CHID1: variants seen among roughly 807,000 people sequenced by gnomAD.
The protein encoded by CHID1 is chitinase domain containing 1, also known as chitinase domain-containing protein 1.
In CHID1, 44 loss-of-function variants were observed where a neutral mutation model predicts 55.4. The ratio of observed to expected loss-of-function variants is 0.79; its 90% CI spans 0.62 to 1.02. The LOEUF is 1.02. CHID1 is among the 50% of genes least tolerant of loss of function. CHID1 has a pLI of 0.00. For synonymous variants in CHID1, 216 were observed against 212.9 expected (o/e 1.01, Z -0.13); for missense variants, 491 against 515.3 (o/e 0.95, Z 0.46).
chr11:873,728 C>T (rs1849323149), intron 10 of CHID1, among the ~76,000 whole-genome samples: 1 of 152,202 alleles, frequency 6.6e-6, no homozygotes, highest in African/African-American at 2.4e-5. Context: ...GAGGGCACAG[C>T]TGCTAAAAGG....
chr11:909,944 C>T (rs1355688449), intron 1 of CHID1, among the ~76,000 whole-genome samples: 1 of 152,034 alleles, frequency 6.6e-6, no homozygotes, highest in African/African-American at 2.4e-5. Flanking sequence ...CCTGTACTCC[C>T]AGCAACTCGG....
chr11:910,609 GC>G (rs1852597317), intron 1 of CHID1, 165 bp downstream of exon 1: 3 of 1,241,016 alleles, frequency 2.4e-6, no homozygotes, highest in African/African-American at 1.6e-5. Context: ...CCTCTCACAC[GC>G]CCCCTCACAC....
At position 870,422 on chromosome 11, in the gene CHID1, T is replaced by C; in HGVS notation, c.1037A>G (p.Lys346Arg). The change falls in exon 11 of 13, where the codon AAG (lysine) becomes AGG (arginine). Residue 346 changes from lysine (K) to arginine (R), a missense_variant. Physicochemically the swap from Lys to Arg is conservative, Grantham distance 26 (BLOSUM62 2). Coordinates refer to ENST00000323578, the MANE Select transcript of CHID1 (RefSeq NM_023947.4). ...SQASEHFFEY[K>R]KSRSGRHVVF... is the part of the protein sequence containing the mutation. ...CCACGCACTTCAAAACACTCACTTC[T>C]TGTACTCGAAGAAGTGCTCTGAGGC... is the stretch of plus-strand genomic sequence containing the variant. The C allele has an allele frequency of 1.2e-6, 2 of 1,609,992 alleles. No individual in the cohort carries two copies. The highest frequency in any genetic ancestry group is 1.7e-6 in the Non-Finnish European group (2 of 1,177,782).
intron 10 of CHID1, among the ~76,000 whole-genome samples, chr11:874,132 C>T (rs1849345058): frequency 6.6e-6 from 1 of 152,174 alleles, no homozygotes; most frequent in Non-Finnish European, 1.5e-5. Flanking sequence ...TGCTCCAAAG[C>T]CTGGGGACTT....
intron 10 of CHID1, among the ~76,000 whole-genome samples, chr11:879,504 G>T (rs1849744885): frequency 6.6e-6 from 1 of 152,292 alleles, no homozygotes; most frequent in Non-Finnish European, 1.5e-5. Context: ...ACAGGGAGAA[G>T]GCAGTTATCT....
Position 893,482 on chromosome 11 carries a change from G to C in CHID1, c.646C>G (p.Leu216Val), listed in dbSNP as rs1198146591. The C allele has an allele frequency of 1.9e-6, 3 of 1,551,730 alleles. No homozygotes were observed. The highest frequency in any genetic ancestry group is 2.4e-5 in the East Asian group (1 of 41,368). The change falls in exon 8 of 13, where the codon CTG (leucine) becomes GTG (valine). Residue 216 changes from leucine (L) to valine (V), a missense_variant. Leu to Val is a conservative substitution (Grantham distance 32). Transcript: ENST00000323578. ...AGGGCCAGCAGCCGGGCCTGGTGCA[G>C]AGCCTCGGCCAAGTGGGTGAGCATG... is the stretch of plus-strand genomic sequence containing the variant. ...IHMLTHLAEA[L>V]HQARLLALLV...
chr11:884,093 T>A lies in CHID1; in HGVS notation c.778A>T (p.Thr260Ser). Residue 260 changes from threonine (T) to serine (S), a missense_variant, in exon 9 of 13, where the codon ACC becomes TCC. Physicochemically the swap from Thr to Ser is moderately conservative, Grantham distance 58. Coordinates refer to ENST00000323578, the MANE Select transcript of CHID1 (RefSeq NM_023947.4). Reference protein sequence around the residue: ...APVLDGFSLMTYDYSTAHQPG... With the variant: ...APVLDGFSLMSYDYSTAHQPG... ...TGATGCGCTGTAGAGTAGTCGTAGGTCATGAGGCTGAAACCATCCAGCACG... is the reference window on the plus strand; with the variant it reads ...TGATGCGCTGTAGAGTAGTCGTAGGACATGAGGCTGAAACCATCCAGCACG... The A allele has an allele frequency of 6.2e-7, 1 of 1,613,992 alleles. No homozygotes were observed. The highest frequency in any genetic ancestry group is 8.5e-7 in the Non-Finnish European group (1 of 1,179,920).
chr11:888,150 T>C (rs12577694), intron 8 of CHID1, among the ~76,000 whole-genome samples: 68,066 of 152,130 alleles, frequency 0.45, 15,903 homozygotes, highest in Admixed American at 0.52. Context: ...CCCAACAACT[T>C]TGCTACAGCT....
chr11:896,181 A>T (rs1308667566), intron 7 of CHID1, among the ~76,000 whole-genome samples: 1 of 116,432 alleles, frequency 8.6e-6, no homozygotes, highest in Non-Finnish European at 1.8e-5. Flanking sequence ...CCCCAGACAC[A>T]ACGAGGCTGT....
chr11:873,491 G>GCCTGGGAGGAAGGAAGGGCCACA (rs1849305547), intron 10 of CHID1, among the ~76,000 whole-genome samples: 1 of 152,142 alleles, frequency 6.6e-6, no homozygotes, highest in African/African-American at 2.4e-5. Context: ...CGAGGGGCCT[G>GCCTGGGAGGAAGGAAGGGCCACA]CCTGGGAGGA....
rs577001803 is a variant in CHID1, at chr11:907,534, C to T, written c.-43-2675G>A. 1.6e-3 allele frequency among the ~76,000 whole-genome samples: 238 copies of T among 152,138 alleles called. 1 individual carries two copies. The highest frequency in any genetic ancestry group is 5.4e-3 in the African/African-American group (224 of 41,520). Reference sequence around the variant, plus strand: ...TATCTTTCACTGGGGTTGGGGGCAGCGGCGGTGGGAGCTGAACCACCACCA... The same window carrying T: ...TATCTTTCACTGGGGTTGGGGGCAGTGGCGGTGGGAGCTGAACCACCACCA... On this transcript the variant is annotated intron_variant, in intron 1 of 12. Transcript: ENST00000323578.
At chr11:888,287 AAGAGGGGAGGGCACC>A (rs959908071) in intron 8 of CHID1, among the ~76,000 whole-genome samples, 22 of 152,310 alleles carry the variant, frequency 1.4e-4, no homozygotes, top group African/African-American at 5.3e-4. Context: ...CAGTGGGAGA[AAGAGGGGAGGGCACC>A]AGTCCTGTGC....
rs537801413 is a variant in CHID1, at chr11:895,070, C to T, written c.609-1551G>A. On this transcript the variant is annotated intron_variant, in intron 7 of 12. Coordinates refer to ENST00000323578, the MANE Select transcript of CHID1 (RefSeq NM_023947.4). ...GTACCAGAGGCTGTCACACACTGTGCGCCACTTAGAGGTGGTGGTCAAGGA... is the reference window on the plus strand; with the variant it reads ...GTACCAGAGGCTGTCACACACTGTGTGCCACTTAGAGGTGGTGGTCAAGGA... 7.2e-5 allele frequency among the ~76,000 whole-genome samples: 11 copies of T among 152,270 alleles called. No individual in the cohort carries two copies. The East Asian group carries it at 1.9e-3, about 27-fold the overall frequency.
chr11:869,910 A>C lies in CHID1; in HGVS notation c.1130T>G (p.Val377Gly). ...LELARELGVGVSIWELGQGLD... is the reference protein window; with the variant it reads ...LELARELGVGGSIWELGQGLD... Reference sequence around the variant, plus strand: ...GCCCTGGCCCAGCTCCCAGATAGAGACCCCAACGCCCAGCTCCCGGGCCAG... The same window carrying C: ...GCCCTGGCCCAGCTCCCAGATAGAGCCCCCAACGCCCAGCTCCCGGGCCAG... Residue 377 changes from valine to glycine, a missense_variant, in exon 13 of 13, where the codon GTC (valine) becomes GGC (glycine). By Grantham distance (109) the Val-to-Gly change is moderately radical. Transcript: ENST00000323578. 1 of 1,612,546 alleles carries C rather than the reference A, an allele frequency of 6.2e-7. No homozygotes were observed. The highest frequency in any genetic ancestry group is 8.5e-7 in the Non-Finnish European group (1 of 1,179,806).
rs371225563 is a variant in CHID1 at position 900,915 on chromosome 11, C to T, written c.439+21G>A. On this transcript the variant is annotated intron_variant, in intron 5 of 12. Coordinates refer to ENST00000323578, the MANE Select transcript of CHID1 (RefSeq NM_023947.4). ...GCAGTTTGAGCCATCAGGGCCTCCA[C>T]TCCTGGCCTGCCGCACTTACCTATG... The T allele has an allele frequency of 4.3e-5, 68 of 1,595,474 alleles. No homozygotes were observed. The African/African-American group carries it at 8.4e-4, about 20-fold the overall frequency.
At chr11:893,865 C>T (rs1002239604) in intron 7 of CHID1, among the ~76,000 whole-genome samples, 2 of 151,658 alleles carry the variant, frequency 1.3e-5, no homozygotes, top group African/African-American at 2.4e-5. Flanking sequence ...GGCACGGTGG[C>T]TCACGCCGGT....
intron 10 of CHID1, among the ~76,000 whole-genome samples, chr11:872,183 A>G (rs936111849): frequency 3.4e-4 from 52 of 152,298 alleles, no homozygotes; most frequent in African/African-American, 1.2e-3. Flanking sequence ...TTTTTGAGAC[A>G]AAGTCTCGCT....
chr11:906,702 G>A (rs781396815), intron 1 of CHID1, among the ~76,000 whole-genome samples: 2 of 152,098 alleles, frequency 1.3e-5, no homozygotes, highest in African/African-American at 2.4e-5. Flanking sequence ...GAAAGCAAAC[G>A]ACATGCCCTT....
At chr11:873,829 T>C (rs536383221) in intron 10 of CHID1, among the ~76,000 whole-genome samples, 2 of 152,096 alleles carry the variant, frequency 1.3e-5, no homozygotes, top group South Asian at 4.2e-4. Context: ...CATTTTATGG[T>C]ATGTGAATTT....
Sources: gnomAD v4.1 joint callset for allele counts (sites outside exome capture counted in the v4.1 genomes callset) on GRCh38, gnomAD v4.1.1 for gene constraint, MANE v1.5 for transcripts, NCBI Gene and HGNC (gene_info 2026-07-23, HGNC 2026-07-21) for gene names.